Variants in QTGAL observed in about 807,000 individuals in gnomAD.
The protein encoded by QTGAL is queuosine-tRNA galactosyltransferase, also known as BGnT-like protein 1.
At chr17:83,024,006 G>C in the QTGAL span, among the ~76,000 whole-genome samples, 9,757 of 152,228 alleles carry the variant, frequency 0.064, 629 homozygotes, top group African/African-American at 0.17. Context: ...AGCAAACACC[G>C]GACCGTGTGT....
At chr17:82,945,768 G>A in the QTGAL span, 5 of 152,316 alleles carry the variant, frequency 3.3e-5, no homozygotes, top group Non-Finnish European at 7.3e-5. Context: ...AATGTCTCCA[G>A]ACACTGCCAA....
chr17:82,947,307 A>AT, the QTGAL span: 1 of 336,946 alleles, frequency 3.0e-6, no homozygotes, highest in Non-Finnish European at 5.4e-6. Flanking sequence ...CTGTTTGACC[A>AT]GGGCAGACCC....
chr17:83,028,666 A>C, the QTGAL span, among the ~76,000 whole-genome samples: 1 of 152,086 alleles, frequency 6.6e-6, no homozygotes, highest in African/African-American at 2.4e-5. Context: ...CAGAGCCCAC[A>C]CTCTGCTGAC....
the QTGAL span, among the ~76,000 whole-genome samples, chr17:83,035,480 T>C: frequency 6.6e-6 from 1 of 152,170 alleles, no homozygotes; most frequent in South Asian, 2.1e-4. Context: ...ATATACGATG[T>C]TCTATAAGAA....
the QTGAL span, chr17:82,950,025 A>T: frequency 2.0e-5 from 3 of 152,192 alleles, no homozygotes; most frequent in Non-Finnish European, 4.4e-5. Context: ...TGAATAGAAA[A>T]GTCACAGCAA....
At chr17:82,978,762 C>T in the QTGAL span, 1 of 152,114 alleles carries the variant, frequency 6.6e-6, no homozygotes, top group Non-Finnish European at 1.5e-5. The surrounding 1 kb of genome is among the most constrained non-coding windows in gnomAD (Gnocchi z 4.8). Flanking sequence ...CTTCTCAGTA[C>T]GAATCCAGTT....
chr17:82,983,580 G>A, the QTGAL span, among the ~76,000 whole-genome samples: 2 of 152,154 alleles, frequency 1.3e-5, no homozygotes, highest in Non-Finnish European at 2.9e-5. Flanking sequence ...CATTCCTGCC[G>A]ACCTGTGGCA....
chr17:82,947,632 G>A, the QTGAL span: 3 of 152,412 alleles, frequency 2.0e-5, no homozygotes, highest in African/African-American at 7.2e-5. Context: ...CCGGCAGAGT[G>A]GTGGACACAA....
At chr17:82,997,842 T>C in the QTGAL span, among the ~76,000 whole-genome samples, 2 of 150,864 alleles carry the variant, frequency 1.3e-5, no homozygotes, top group South Asian at 2.1e-4. Context: ...CTCATGGAGA[T>C]AGAGAATAAA....
the QTGAL span, among the ~76,000 whole-genome samples, chr17:83,027,411 C>G: frequency 1.3e-5 from 2 of 152,216 alleles, no homozygotes; most frequent in Non-Finnish European, 2.9e-5. Context: ...ACAGTCAAAA[C>G]TAGAAGCTAC....
At chr17:82,971,264 GACA>G in the QTGAL span, among the ~76,000 whole-genome samples, 1 of 152,192 alleles carries the variant, frequency 6.6e-6, no homozygotes, top group Non-Finnish European at 1.5e-5. Context: ...ATTCTTTAGT[GACA>G]ACGATCCAGA....
the QTGAL span, among the ~76,000 whole-genome samples, chr17:83,016,203 G>T: frequency 2.8e-3 from 428 of 152,292 alleles, 3 homozygotes; most frequent in African/African-American, 9.5e-3. Flanking sequence ...AACAGCAAAG[G>T]TTTAAGTACA....
chr17:83,039,881 G>A, the QTGAL span, among the ~76,000 whole-genome samples: 11 of 152,322 alleles, frequency 7.2e-5, no homozygotes, highest in South Asian at 6.2e-4. Flanking sequence ...GAGACACCCC[G>A]CAGGTGAGCC....
the QTGAL span, among the ~76,000 whole-genome samples, chr17:82,967,401 T>G: frequency 6.6e-6 from 1 of 152,154 alleles, no homozygotes; most frequent in Non-Finnish European, 1.5e-5. Flanking sequence ...TGGATCCCTT[T>G]GAAGCCTAAA....
At chr17:82,962,052 C>T in the QTGAL span, among the ~76,000 whole-genome samples, 51,531 of 152,004 alleles carry the variant, frequency 0.34, 8,947 homozygotes, top group East Asian at 0.4. Flanking sequence ...GTCAGCCGCC[C>T]GGAGACACCT....
At chr17:82,969,629 T>C in the QTGAL span, among the ~76,000 whole-genome samples, 1 of 152,192 alleles carries the variant, frequency 6.6e-6, no homozygotes, top group East Asian at 1.9e-4. Context: ...ATGCTGTGCT[T>C]ACACCTGTCA....
the QTGAL span, among the ~76,000 whole-genome samples, chr17:82,982,152 CCGAGCGGG>C: frequency 6.8e-3 from 938 of 138,598 alleles, 8 homozygotes; most frequent in African/African-American, 0.023. Context: ...TGGTGATGGG[CCGAGCGGG>C]TGGAGGAGCC....
the QTGAL span, among the ~76,000 whole-genome samples, chr17:83,034,380 T>C: frequency 3.9e-5 from 6 of 152,240 alleles, no homozygotes; most frequent in African/African-American, 1.4e-4. Flanking sequence ...TTTTTATATA[T>C]CTTACTTACC....
At chr17:83,042,984 C>T in the QTGAL span, among the ~76,000 whole-genome samples, 1 of 152,178 alleles carries the variant, frequency 6.6e-6, no homozygotes. Flanking sequence ...GAAGATATAA[C>T]AAGCATAAAA....
Sources: gnomAD v4.1 joint callset for allele counts (sites outside exome capture counted in the v4.1 genomes callset) on GRCh38, gnomAD v4.1.1 for gene constraint, Gnocchi (gnomAD v3.1) non-coding constraint, MANE v1.5 for transcripts, NCBI Gene and HGNC (gene_info 2026-07-23, HGNC 2026-07-21) for gene names.